The following PDLIM5 variants were observed in gnomAD, a reference collection of about 807,000 sequenced individuals.
The protein encoded by PDLIM5 is PDZ and LIM domain 5.
PDLIM5 carries 34 observed loss-of-function variants against 64.2 expected under a neutral mutation model. The ratio of observed to expected loss-of-function variants is 0.53; its 90% CI spans 0.40 to 0.71. The LOEUF is 0.71. Among genes scored for constraint, PDLIM5 ranks in the 30% least tolerant of loss-of-function variants. The probability of loss-of-function intolerance (pLI) is 0.00; values close to 1 mark genes in which losing one functional copy is unlikely to be tolerated. For synonymous variants in PDLIM5, 253 were observed against 269.1 expected, an observed-to-expected ratio of 0.94 and a Z score of 0.59; for missense variants, 683 against 733.6, an observed-to-expected ratio of 0.93 and a Z score of 0.80.
intron 2 of PDLIM5, among the ~76,000 whole-genome samples, chr4:94,480,133 T>C (rs1265882006): frequency 6.6e-6 from 1 of 152,226 alleles, no homozygotes; most frequent in East Asian, 1.9e-4. Flanking sequence ...TTTAGATAAA[T>C]GTGGACCATA....
At chr4:94,663,610 TACA>T (rs1306075904) in intron 12 of PDLIM5, among the ~76,000 whole-genome samples, 1 of 152,204 alleles carries the variant, frequency 6.6e-6, no homozygotes, top group East Asian at 1.9e-4. Flanking sequence ...AATGAGTCTC[TACA>T]ACACAAAGCA....
At chr4:94,654,412 C>T (rs774295034) in intron 9 of PDLIM5, 48 bp from the exon 10 acceptor site, 1 of 1,258,792 alleles carries the variant, frequency 7.9e-7, no homozygotes. Context: ...CAGGCTAACT[C>T]TAGAAATTTT....
intron 9 of PDLIM5, among the ~76,000 whole-genome samples, chr4:94,649,734 A>G (rs1369868382): frequency 6.6e-6 from 1 of 152,256 alleles, no homozygotes; most frequent in African/African-American, 2.4e-5. Context: ...TTGAAATTAT[A>G]TCTCACTTGT....
chr4:94,454,089 G>A (rs935550231), intron 1 of PDLIM5, among the ~76,000 whole-genome samples: 2 of 152,128 alleles, frequency 1.3e-5, no homozygotes, highest in Non-Finnish European at 2.9e-5. Flanking sequence ...GGGGTGATGG[G>A]CTAGAAATTT....
intron 8 of PDLIM5, among the ~76,000 whole-genome samples, chr4:94,634,149 A>G (rs937590920): frequency 6.6e-6 from 1 of 152,166 alleles, no homozygotes; most frequent in Non-Finnish European, 1.5e-5. Flanking sequence ...GGTTTTGAGC[A>G]GAGGAGTATC....
chr4:94,636,416 C>CA (rs71581597), intron 8 of PDLIM5, among the ~76,000 whole-genome samples: 51,285 of 127,962 alleles, frequency 0.4, 9,374 homozygotes, highest in South Asian at 0.64. Flanking sequence ...TTTAAAAAGG[C>CA]AAAAAAAAAA....
At chr4:94,531,257 C>T (rs1182522242) in intron 3 of PDLIM5, among the ~76,000 whole-genome samples, 1 of 152,044 alleles carries the variant, frequency 6.6e-6, no homozygotes, top group Admixed American at 6.6e-5. Context: ...TTGATTATGT[C>T]CCCCATCCAT....
intron 2 of PDLIM5, among the ~76,000 whole-genome samples, chr4:94,471,304 A>G (rs1724850350): frequency 6.6e-6 from 1 of 152,154 alleles, no homozygotes; most frequent in Non-Finnish European, 1.5e-5. Context: ...ATAACACAAT[A>G]CACCATAAAG....
chr4:94,661,225 C>CA lies in PDLIM5; in HGVS notation c.1586-1189dup, dbSNP rs1240850127. ...GCAGCCTACGAAGACCCTGTCTCTA[C>CA]AAAAAAAATTTTTTTTTAATTAGCT... is the stretch of plus-strand genomic sequence containing the variant. On this transcript the variant is annotated intron_variant, in intron 11 of 12. Coordinates refer to ENST00000317968, the MANE Select transcript of PDLIM5 (RefSeq NM_006457.5). Among the ~76,000 whole-genome samples, 233 of 151,988 alleles carry CA rather than the reference C, an allele frequency of 1.5e-3. 1 individual carries two copies. Among genetic ancestry groups the CA allele is most frequent in the African/African-American group, 5.0e-3 (208 of 41,462 alleles).
chr4:94,518,257 G>C (rs1729536242), intron 2 of PDLIM5, among the ~76,000 whole-genome samples: 1 of 152,158 alleles, frequency 6.6e-6, no homozygotes, highest in Admixed American at 6.6e-5. Context: ...CTATTGGTTT[G>C]TTTGTGATAG....
chr4:94,617,644 C>CAAAAAAAAAAAAAAA (rs61055444), intron 7 of PDLIM5, among the ~76,000 whole-genome samples: 1 of 66,600 alleles, frequency 1.5e-5, no homozygotes, highest in Non-Finnish European at 3.1e-5. Context: ...CCTGTGTCTA[C>CAAAAAAAAAAAAAAA]AAAAAAAAAA....
chr4:94,474,452 T>C (rs1353515048), intron 2 of PDLIM5, among the ~76,000 whole-genome samples: 1 of 151,980 alleles, frequency 6.6e-6, no homozygotes, highest in Non-Finnish European at 1.5e-5. Context: ...GGTTTCACCA[T>C]ATTGGCCAGG....
intron 3 of PDLIM5, among the ~76,000 whole-genome samples, chr4:94,533,544 T>A (rs1053858442): frequency 1.3e-5 from 2 of 152,226 alleles, no homozygotes; most frequent in Admixed American, 1.3e-4. Flanking sequence ...GCTTTGAAAT[T>A]AGGCAAACTT....
chr4:94,457,452 G>A (rs990379316), intron 2 of PDLIM5, among the ~76,000 whole-genome samples: 4 of 152,024 alleles, frequency 2.6e-5, no homozygotes, highest in African/African-American at 9.7e-5. Context: ...ATGGGAACAG[G>A]AGCAATCTTT....
intron 2 of PDLIM5, among the ~76,000 whole-genome samples, chr4:94,494,956 C>T (rs1727245588): frequency 6.6e-6 from 1 of 151,700 alleles, no homozygotes. Context: ...CACTTTGTTG[C>T]CCAGGCTGGT....
chr4:94,478,187 C>T (rs968745295), intron 2 of PDLIM5, among the ~76,000 whole-genome samples: 1 of 144,878 alleles, frequency 6.9e-6, no homozygotes, highest in Non-Finnish European at 1.5e-5. Context: ...ACCCGGGAGG[C>T]GGAGGTTGCA....
At chr4:94,546,230 G>A (rs1261117198) in intron 3 of PDLIM5, among the ~76,000 whole-genome samples, 1 of 152,152 alleles carries the variant, frequency 6.6e-6, no homozygotes, top group Admixed American at 6.5e-5. Context: ...TGCATTGTCA[G>A]TACTGTCCCT....
At chr4:94,492,307 C>G (rs1280955642) in intron 2 of PDLIM5, among the ~76,000 whole-genome samples, 7 of 151,472 alleles carry the variant, frequency 4.6e-5, no homozygotes, top group Non-Finnish European at 1.0e-4. Context: ...TTTTCTCTCC[C>G]CATCCTGTTT....
At chr4:94,565,837 G>A (rs535794491) in intron 3 of PDLIM5, among the ~76,000 whole-genome samples, 10 of 152,198 alleles carry the variant, frequency 6.6e-5, no homozygotes, top group Admixed American at 4.6e-4. Context: ...TCTTATTTAT[G>A]TGCATATTGT....
Sources: allele counts gnomAD v4.1 joint callset (sites outside exome capture counted in the v4.1 genomes callset), GRCh38; gene constraint gnomAD v4.1.1; transcripts MANE v1.5; gene names NCBI Gene and HGNC (gene_info 2026-07-23, HGNC 2026-07-21).